The following TMTC1 variants were observed in gnomAD, a reference collection of about 807,000 sequenced individuals.
TMTC1 encodes the protein protein O-mannosyl-transferase TMTC1.
TMTC1 carries 73 observed loss-of-function variants against 104.8 expected under a neutral mutation model. The ratio of observed to expected loss-of-function variants is 0.70; its 90% CI spans 0.58 to 0.85. TMTC1 has a LOEUF of 0.85. Among genes scored for constraint, TMTC1 ranks in the 40% least tolerant of loss-of-function variants. The probability of loss-of-function intolerance (pLI) is 0.00; values close to 1 mark genes in which losing one functional copy is unlikely to be tolerated. For missense variants in TMTC1, 1,035 were observed against 1,096.1 expected, an observed-to-expected ratio of 0.94 and a Z score of 0.79; for synonymous variants, 434 against 428.7, an observed-to-expected ratio of 1.01 and a Z score of -0.15.
chr12:29,509,514 C>T lies in TMTC1; in HGVS notation c.2509-2528G>A, dbSNP rs147571732. ...AGGCCTAGGAATGGGTAACAATGCC[C>T]GATGCACACATGACCTGGCAATGGA... is the stretch of plus-strand genomic sequence containing the variant. On this transcript the variant is annotated intron_variant, in intron 17 of 17. Transcript: ENST00000539277. 7.6e-3 allele frequency among the ~76,000 whole-genome samples: 1,163 copies of T among 152,222 alleles called. 12 individuals are homozygous for T. The highest frequency in any genetic ancestry group is 0.027 in the African/African-American group (1,112 of 41,556).
intron 5 of TMTC1, among the ~76,000 whole-genome samples, chr12:29,636,111 A>G (rs1046561620): frequency 2.0e-5 from 3 of 152,200 alleles, no homozygotes; most frequent in African/African-American, 7.2e-5. Context: ...ACATACACAC[A>G]TATGAAATAA....
intron 7 of TMTC1, among the ~76,000 whole-genome samples, chr12:29,597,307 T>C (rs1414724278): frequency 1.3e-5 from 2 of 149,228 alleles, no homozygotes; most frequent in African/African-American, 5.0e-5. Flanking sequence ...ACTCTTGAGC[T>C]CAAGCAATTG....
At chr12:29,765,612 T>G (rs1345935149) in intron 2 of TMTC1, among the ~76,000 whole-genome samples, 1 of 152,124 alleles carries the variant, frequency 6.6e-6, no homozygotes, top group Non-Finnish European at 1.5e-5. Flanking sequence ...CTATTCCAAT[T>G]ATTAATTCAC....
chr12:29,723,017 T>G (rs1303603703), intron 5 of TMTC1, among the ~76,000 whole-genome samples: 1 of 151,896 alleles, frequency 6.6e-6, no homozygotes, highest in Non-Finnish European at 1.5e-5. Flanking sequence ...AAAATCAATT[T>G]TATTTCTATA....
At chr12:29,735,756 G>A (rs1358040692) in intron 5 of TMTC1, among the ~76,000 whole-genome samples, 3 of 152,202 alleles carry the variant, frequency 2.0e-5, no homozygotes, top group African/African-American at 7.2e-5. Flanking sequence ...TGGTGCAGAT[G>A]CAGCTTCCGG....
intron 7 of TMTC1, among the ~76,000 whole-genome samples, chr12:29,590,865 G>A (rs986802240): frequency 4.6e-5 from 7 of 152,118 alleles, no homozygotes; most frequent in African/African-American, 1.7e-4. Flanking sequence ...TGTAAATTCA[G>A]GGCAACTTGA....
chr12:29,549,777 G>A (rs1406803485), intron 10 of TMTC1, among the ~76,000 whole-genome samples: 2 of 152,078 alleles, frequency 1.3e-5, no homozygotes, highest in Non-Finnish European at 2.9e-5. Context: ...CACTGAGGAG[G>A]GGAACAGAGG....
chr12:29,554,860 A>G (rs12581671), intron 10 of TMTC1, among the ~76,000 whole-genome samples: 28,290 of 152,128 alleles, frequency 0.19, 3,076 homozygotes, highest in East Asian at 0.37. Context: ...TATACATGAA[A>G]TAAAATATAC....
intron 5 of TMTC1, among the ~76,000 whole-genome samples, chr12:29,681,012 T>C (rs2136713839): frequency 6.8e-6 from 1 of 146,470 alleles, no homozygotes; most frequent in Admixed American, 7.0e-5. Flanking sequence ...GGCAGAAGAA[T>C]CACTTGAACC....
chr12:29,710,839 T>C (rs1486005895), intron 5 of TMTC1, among the ~76,000 whole-genome samples: 2 of 136,726 alleles, frequency 1.5e-5, no homozygotes, highest in East Asian at 4.0e-4. Context: ...AATATAAATA[T>C]ATTAATAATA....
chr12:29,677,679 G>A (rs540414645), intron 5 of TMTC1, among the ~76,000 whole-genome samples: 2 of 152,284 alleles, frequency 1.3e-5, no homozygotes, highest in African/African-American at 4.8e-5. Flanking sequence ...TATCCCACTT[G>A]GTCCCACTTG....
At chr12:29,513,392 TATAA>T (rs1350361650) in intron 16 of TMTC1, among the ~76,000 whole-genome samples, 1 of 152,114 alleles carries the variant, frequency 6.6e-6, no homozygotes, top group Admixed American at 6.6e-5. Context: ...TCACATTCGT[TATAA>T]ATAACTTAAG....
intron 3 of TMTC1, among the ~76,000 whole-genome samples, chr12:29,758,035 T>C (rs567020860): frequency 2.5e-4 from 38 of 152,308 alleles, no homozygotes; most frequent in African/African-American, 7.2e-4. Context: ...CCAAACCATA[T>C]CACAGGACAT....
intron 4 of TMTC1, 121 bp from the exon 5 acceptor site, chr12:29,751,993 CT>C: frequency 1.1e-6 from 1 of 893,174 alleles, no homozygotes; most frequent in Non-Finnish European, 1.7e-6. Flanking sequence ...ATTCTCAAGT[CT>C]TTAGCCCTTG....
chr12:29,664,278 T>G (rs1405851427), intron 5 of TMTC1, among the ~76,000 whole-genome samples: 2 of 151,084 alleles, frequency 1.3e-5, no homozygotes, highest in Non-Finnish European at 3.0e-5. Flanking sequence ...AAGCCTAAAT[T>G]GGTAAAGAGA....
intron 5 of TMTC1, among the ~76,000 whole-genome samples, chr12:29,738,613 A>G (rs1183915402): frequency 6.6e-6 from 1 of 152,240 alleles, no homozygotes; most frequent in Non-Finnish European, 1.5e-5. Context: ...CTCTAGTACA[A>G]AATACAACAG....
Position 29,554,359 on chromosome 12 carries a change from GT to G in TMTC1, c.1676+2497del, listed in dbSNP as rs140045877. 4.5e-3 allele frequency among the ~76,000 whole-genome samples: 661 copies of G among 146,606 alleles called. 6 individuals carry two copies. Among genetic ancestry groups the G allele is most frequent in the African/African-American group, 0.015 (622 of 40,164 alleles). On this transcript the variant is annotated intron_variant, in intron 10 of 17. Transcript: ENST00000539277. The stretch of plus-strand genomic sequence containing the variant: ...CATTATCAGTTGTTTTTCCTTTCTT[GT>G]TTTTTTTTTAATACACAATTAGTTT...
chr12:29,589,832 C>G (rs946252771), intron 7 of TMTC1, among the ~76,000 whole-genome samples: 1 of 152,194 alleles, frequency 6.6e-6, no homozygotes, highest in East Asian at 1.9e-4. Flanking sequence ...CGGGCAAGGA[C>G]AGTACTGGTT....
chr12:29,670,449 C>CCAAG (rs1464896606), intron 5 of TMTC1, among the ~76,000 whole-genome samples: 1 of 152,070 alleles, frequency 6.6e-6, no homozygotes, highest in African/African-American at 2.4e-5. Flanking sequence ...ATAACTTGTC[C>CCAAG]CAAGGTTCCA....
Sources: allele counts gnomAD v4.1 joint callset (sites outside exome capture counted in the v4.1 genomes callset), GRCh38; gene constraint gnomAD v4.1.1; transcripts MANE v1.5; gene names NCBI Gene and HGNC (gene_info 2026-07-23, HGNC 2026-07-21).